Variants in ATP2C2 observed in about 807,000 individuals in gnomAD.
ATP2C2 encodes ATPase secretory pathway Ca2+ transporting 2.
ATP2C2 carries 171 observed loss-of-function variants against 110.8 expected under a neutral mutation model. The observed-to-expected ratio is 1.54, with a 90% CI of 1.36 to 1.75. ATP2C2 has a LOEUF of 1.75. Among genes scored for constraint, ATP2C2 ranks in the 40% most tolerant of loss-of-function variants. The probability of loss-of-function intolerance (pLI) is 0.00; values close to 1 mark genes in which losing one functional copy is unlikely to be tolerated. For synonymous variants in ATP2C2, 804 were observed against 508.4 expected (o/e 1.58, Z -7.82); for missense variants, 1,963 against 1,235.0 (o/e 1.59, Z -8.84).
rs1911328906 is a variant in ATP2C2 at position 84,461,463 on chromosome 16, A to T, written c.2482-251A>T. The T allele has an allele frequency of 8.6e-6, 5 of 582,966 alleles. No individual in the cohort carries two copies. The Admixed American group carries it at 1.5e-4, about 18-fold the overall frequency. The allele number at this position is 582,966 out of a possible 1,614,324, so 36.1% of individuals were successfully genotyped here. A position where few individuals can be genotyped will look rare whatever the true frequency, so the allele number is the denominator to read the frequency against. On this transcript the variant is annotated intron_variant, in intron 24 of 26. Coordinates refer to ENST00000262429, the MANE Select transcript of ATP2C2 (RefSeq NM_014861.4). Reference sequence around the variant, plus strand: ...CAGGGAGACAGTTACTTCCTGGAGGAAGTGGTGTTTCCTCCACCCATAGGT... The same window carrying T: ...CAGGGAGACAGTTACTTCCTGGAGGTAGTGGTGTTTCCTCCACCCATAGGT...
intron 14 of ATP2C2, among the ~76,000 whole-genome samples, chr16:84,441,734 C>T (rs1400795518): frequency 6.6e-6 from 1 of 152,116 alleles, no homozygotes; most frequent in African/African-American, 2.4e-5. Flanking sequence ...CAGCCTGGCC[C>T]ACGTGGTGAA....
At chr16:84,380,564 T>G (rs1431275938) in intron 1 of ATP2C2, among the ~76,000 whole-genome samples, 4 of 152,210 alleles carry the variant, frequency 2.6e-5, no homozygotes, top group Non-Finnish European at 5.9e-5. Flanking sequence ...ATCAGGTCAC[T>G]GTTTGCTTGG....
intron 7 of ATP2C2, among the ~76,000 whole-genome samples, chr16:84,418,589 G>A (rs950631238): frequency 1.3e-5 from 2 of 152,148 alleles, no homozygotes; most frequent in Admixed American, 6.5e-5. Flanking sequence ...TTTCCTCTGC[G>A]TTATTTTACT....
At chr16:84,458,571 T>G (rs1038422566) in intron 21 of ATP2C2, among the ~76,000 whole-genome samples, 1 of 151,898 alleles carries the variant, frequency 6.6e-6, no homozygotes, top group East Asian at 1.9e-4. Flanking sequence ...TTTAGTAAAA[T>G]CTGGCGGTGG....
intron 6 of ATP2C2, among the ~76,000 whole-genome samples, chr16:84,415,199 G>C (rs77835999): frequency 1.3e-5 from 2 of 152,088 alleles, no homozygotes; most frequent in African/African-American, 4.8e-5. Flanking sequence ...GCTGACCTTG[G>C]CCCCAGGAGC....
intron 7 of ATP2C2, among the ~76,000 whole-genome samples, chr16:84,420,213 G>A (rs776163788): frequency 2.0e-5 from 3 of 152,082 alleles, no homozygotes; most frequent in South Asian, 2.1e-4. Flanking sequence ...CTTGTTTATC[G>A]TCATTTCCCC....
chr16:84,452,815 T>C (rs1281604172), intron 18 of ATP2C2, among the ~76,000 whole-genome samples: 3 of 152,044 alleles, frequency 2.0e-5, no homozygotes, highest in Non-Finnish European at 4.4e-5. Flanking sequence ...GTTACTATTA[T>C]ATGGGTGGTC....
chr16:84,426,069 C>T (rs1907789185), intron 11 of ATP2C2: 1 of 441,884 alleles, frequency 2.3e-6, no homozygotes, highest in African/African-American at 2.0e-5. Flanking sequence ...AAAAAAATAC[C>T]TGAGGCTTGG....
At chr16:84,419,649 T>C (rs977221148) in intron 7 of ATP2C2, among the ~76,000 whole-genome samples, 3 of 127,554 alleles carry the variant, frequency 2.4e-5, no homozygotes, top group Non-Finnish European at 5.2e-5. Flanking sequence ...CTCCCTTCCC[T>C]TGGGGCCCCC....
intron 11 of ATP2C2, among the ~76,000 whole-genome samples, chr16:84,430,693 G>A (rs1235713578): frequency 1.3e-5 from 2 of 151,484 alleles, no homozygotes; most frequent in African/African-American, 4.9e-5. Context: ...TGAAGAGGGA[G>A]GGACCAGGGT....
chr16:84,408,325 C>T, intron 3 of ATP2C2, 80 bp from the exon 4 acceptor site: 3 of 1,393,036 alleles, frequency 2.2e-6, no homozygotes, highest in Admixed American at 1.7e-5. Flanking sequence ...ACCCCTGTCA[C>T]ACAAACTTCT....
Position 84,405,172 on chromosome 16 carries a change from C to T in ATP2C2, c.255C>T (p.Arg85=), listed in dbSNP as rs748860238. 5.6e-6 allele frequency: 9 copies of T among 1,613,682 alleles called. No homozygotes were observed. The East Asian group carries it at 1.1e-4, about 20-fold the overall frequency. Reference sequence around the variant, plus strand: ...TGTCGGAGTTCTCGGTGACGCAGCGCCGGCTGGCCCATGGCTGGAATGAGT... The same window carrying T: ...TGTCGGAGTTCTCGGTGACGCAGCGTCGGCTGGCCCATGGCTGGAATGAGT... ...TGLSEFSVTQ[R]RLAHGWNEFV... is the part of the protein sequence containing the mutation. Residue 85 remains arginine (R), a synonymous_variant, in exon 3 of 27, where the codon CGC becomes CGT. Coordinates refer to ENST00000262429, the MANE Select transcript of ATP2C2 (RefSeq NM_014861.4).
intron 1 of ATP2C2, among the ~76,000 whole-genome samples, chr16:84,392,496 C>G (rs1307666555): frequency 1.3e-5 from 2 of 152,084 alleles, no homozygotes; most frequent in Non-Finnish European, 2.9e-5. Flanking sequence ...GAATTCTGCT[C>G]TTGTTGCCCA....
intron 15 of ATP2C2, among the ~76,000 whole-genome samples, chr16:84,443,892 G>T (rs865773696): frequency 1.9e-4 from 29 of 152,288 alleles, no homozygotes; most frequent in Non-Finnish European, 3.8e-4. Context: ...AGTCATTACA[G>T]GCTGAGTGCA....
intron 1 of ATP2C2, among the ~76,000 whole-genome samples, chr16:84,394,075 A>G (rs1904829874): frequency 6.6e-6 from 1 of 151,754 alleles, no homozygotes; most frequent in Admixed American, 6.6e-5. Context: ...GCTTCTCAGG[A>G]GGCTGAGGTG....
chr16:84,397,655 CAAAAA>C (rs58934576), intron 1 of ATP2C2, among the ~76,000 whole-genome samples: 2 of 63,510 alleles, frequency 3.1e-5, no homozygotes, highest in Non-Finnish European at 7.1e-5. Context: ...GCCTGGGTGA[CAAAAA>C]AAAAAAAAAA....
rs377175065 is a variant in ATP2C2 at position 84,439,147 on chromosome 16, A to G, written c.987-19A>G. 130 of 1,611,922 alleles carry G rather than the reference A, an allele frequency of 8.1e-5. No homozygotes were observed. The highest frequency in any genetic ancestry group is 1.1e-4 in the Non-Finnish European group (128 of 1,179,954). On this transcript the variant is annotated intron_variant, in intron 11 of 26. Coordinates refer to ENST00000262429, the MANE Select transcript of ATP2C2 (RefSeq NM_014861.4). ...TCCTTAAATGTGTTAGAGGGGACTC[A>G]TTTGACCTTTCGATCCAGCCTGGCT...
Position 84,374,137 on chromosome 16 carries a change from C to T in ATP2C2, c.99+5423C>T, listed in dbSNP as rs935271361. 4.1e-4 allele frequency among the ~76,000 whole-genome samples: 63 copies of T among 152,332 alleles called. No homozygotes were observed. In the Middle Eastern group the frequency reaches 0.01, roughly 25 times the overall value. On this transcript the variant is annotated intron_variant, in intron 1 of 26. Coordinates refer to ENST00000262429, the MANE Select transcript of ATP2C2 (RefSeq NM_014861.4). ...TACTACTACACTTAGTGCTCATTGA[C>T]GGTGCCAGCTGCTACGTACAAAGAC...
At chr16:84,425,955 C>T in intron 11 of ATP2C2, 154 bp downstream of exon 11, 1 of 816,660 alleles carries the variant, frequency 1.2e-6, no homozygotes. Context: ...ATAGCATGTT[C>T]TCCGACAGGT....
Sources: gnomAD v4.1 joint callset for allele counts (sites outside exome capture counted in the v4.1 genomes callset) on GRCh38, gnomAD v4.1.1 for gene constraint, MANE v1.5 for transcripts, NCBI Gene and HGNC (gene_info 2026-07-23, HGNC 2026-07-21) for gene names.